The following FGFR3 variants were observed in gnomAD, a reference collection of about 807,000 sequenced individuals.
FGFR3 encodes the protein fibroblast growth factor receptor 3, also known as FGFR-3.
In FGFR3, 25 loss-of-function variants were observed where a neutral mutation model predicts 82.9. The ratio of observed to expected loss-of-function variants is 0.30; its 90% CI spans 0.22 to 0.42. FGFR3 has a LOEUF of 0.42. Ranked by LOEUF, FGFR3 falls within the 10% of genes least tolerant of loss-of-function variation. The pLI is 1.00. For synonymous variants in FGFR3, 620 were observed against 516.0 expected, an observed-to-expected ratio of 1.20 and a Z score of -2.73; for missense variants, 1,026 against 1,161.0, an observed-to-expected ratio of 0.88 and a Z score of 1.69.
intron 8 of FGFR3, 143 bp from the exon 9 acceptor site, chr4:1,804,187 C>A: frequency 1.0e-6 from 1 of 952,682 alleles, no homozygotes; most frequent in Non-Finnish European, 1.6e-6. Context: ...TTACTGACTG[C>A]GAGACCCTCC....
At position 1,799,258 on chromosome 4, in the gene FGFR3, C is replaced by A. The variant is rs2108772295; in HGVS notation, c.114C>A (p.Val38=). 8 of 1,612,462 alleles carry A rather than the reference C, an allele frequency of 5.0e-6. No individual in the cohort carries two copies. The highest frequency in any genetic ancestry group is 5.9e-6 in the Non-Finnish European group (7 of 1,179,960). The change falls in exon 3 of 18, where the codon GTC becomes GTA. Residue 38 remains valine, a synonymous_variant. Transcript: ENST00000440486. ...EQRVVGRAAE[V]PGPEPGQQEQ... is the part of the protein sequence containing the mutation. ...GGTTGCCCATCTTCCCCACAGAAGT[C>A]CCGGGCCCAGAGCCCGGCCAGCAGG...
In FGFR3 at chr4:1,807,736, G is replaced by C. The variant is rs1458443436; in HGVS notation, c.*474G>C. 1.8e-5 allele frequency: 11 copies of C among 596,454 alleles called. No individual in the cohort carries two copies. In the Admixed American group the frequency reaches 2.1e-4, roughly 11 times the overall value. The allele number at this position is 596,454 out of a possible 1,614,324, so 36.9% of individuals were successfully genotyped here. A position where few individuals can be genotyped will look rare whatever the true frequency, so the allele number is the denominator to read the frequency against. On this transcript the variant is annotated 3_prime_UTR_variant, in exon 18 of 18. Coordinates refer to ENST00000440486, the MANE Select transcript of FGFR3 (RefSeq NM_000142.5). ...CCAGCACCTTGTGCCTGGGGTGTTA[G>C]TGGCACCGCCTCCCCACCTCCAGGC...
At chr4:1,797,049 G>A in intron 2 of FGFR3, among the ~76,000 whole-genome samples, 1 of 152,180 alleles carries the variant, frequency 6.6e-6, no homozygotes, top group Non-Finnish European at 1.5e-5. Flanking sequence ...AAGGGTGGGA[G>A]GTGGGACGCG....
At chr4:1,800,874 C>T (rs911361766) in intron 4 of FGFR3, among the ~76,000 whole-genome samples, 6 of 152,188 alleles carry the variant, frequency 3.9e-5, no homozygotes, top group East Asian at 1.9e-4. Context: ...CTCTGGGTGC[C>T]CGCCAGACTT....
rs1299402747 is a variant in FGFR3 at position 1,806,591 on chromosome 4, C to T, written c.2076C>T (p.Gly692=). Residue 692 remains glycine (G), a synonymous_variant, in exon 16 of 18, where the codon GGC becomes GGT. Coordinates refer to ENST00000440486, the MANE Select transcript of FGFR3 (RefSeq NM_000142.5). ...VLLWEIFTLG[G]SPYPGIPVEE... ...TCTGGGAGATCTTCACGCTGGGGGG[C>T]TCCCCGTACCCCGGCATCCCTGTGG... 1.9e-6 allele frequency: 3 copies of T among 1,613,004 alleles called. No homozygotes were observed. The highest frequency in any genetic ancestry group is 1.3e-5 in the African/African-American group (1 of 74,904).
intron 7 of FGFR3, chr4:1,802,902 T>C: frequency 6.3e-7 from 1 of 1,582,468 alleles, no homozygotes; most frequent in African/African-American, 1.4e-5. Context: ...GCCGGGTCTC[T>C]TGTCCCCGCA....
chr4:1,799,324 C>T lies in FGFR3; in HGVS notation c.180C>T (p.Ser60=), dbSNP rs368789915. ...GCAGCGGGGATGCTGTGGAGCTGAGCTGTCCCCCGCCCGGGGGTGGTCCCA... is the reference window on the plus strand; with the variant it reads ...GCAGCGGGGATGCTGTGGAGCTGAGTTGTCCCCCGCCCGGGGGTGGTCCCA... The part of the protein sequence containing the change: ...VFGSGDAVEL[S]CPPPGGGPMG... The change falls in exon 3 of 18, where the codon AGC becomes AGT. Residue 60 remains serine (S), a synonymous_variant. Transcript: ENST00000440486. 14 of 1,612,652 alleles carry T rather than the reference C, an allele frequency of 8.7e-6. No individual in the cohort carries two copies. The highest frequency in any genetic ancestry group is 2.2e-5 in the South Asian group (2 of 91,072).
intron 2 of FGFR3, among the ~76,000 whole-genome samples, chr4:1,798,794 T>C (rs977527913): frequency 2.0e-5 from 3 of 152,138 alleles, no homozygotes; most frequent in Non-Finnish European, 2.9e-5. Flanking sequence ...CTGAGCTCCA[T>C]TTCAGTCAGA....
rs1179740088 is a variant in FGFR3 at position 1,799,249 on chromosome 4, C to T, written c.110-5C>T. The T allele has an allele frequency of 6.2e-7, 1 of 1,612,328 alleles. No homozygotes were observed. The highest frequency in any genetic ancestry group is 2.2e-5 in the East Asian group (1 of 44,884). ...CTGCCTCATGGTTGCCCATCTTCCCCACAGAAGTCCCGGGCCCAGAGCCCG... is the reference window on the plus strand; with the variant it reads ...CTGCCTCATGGTTGCCCATCTTCCCTACAGAAGTCCCGGGCCCAGAGCCCG... On this transcript the variant is annotated splice_polypyrimidine_tract_variant and splice_region_variant and intron_variant, in intron 2 of 17. Coordinates refer to ENST00000440486, the MANE Select transcript of FGFR3 (RefSeq NM_000142.5).
In FGFR3 at chr4:1,803,715, CAAG is replaced by C. The variant is rs755356471; in HGVS notation, c.955_957del (p.Lys319del). Reference sequence around the variant, plus strand: ...AGACGGCGGGCGCTAACACCACCGACAAGGAGCTAGAGGTTCTCTCCTTGCACA... The same window carrying C: ...AGACGGCGGGCGCTAACACCACCGACGAGCTAGAGGTTCTCTCCTTGCACA... On this transcript the variant is annotated inframe_deletion, in exon 8 of 18. Coordinates refer to ENST00000440486, the MANE Select transcript of FGFR3 (RefSeq NM_000142.5). 9.4e-5 allele frequency: 151 copies of C among 1,613,890 alleles called. 1 individual carries two copies. Among genetic ancestry groups the C allele is most frequent in the Non-Finnish European group, 1.2e-4 (137 of 1,180,014 alleles).
rs1722236231 is a variant in FGFR3, at chr4:1,808,412, TCAAAG to T, written c.*1154_*1158del. On this transcript the variant is annotated 3_prime_UTR_variant, in exon 18 of 18. Transcript: ENST00000440486. ...CTTTAGGAGATTTATTTTTTGGACT[TCAAAG>T]CAAGCTGGTATTTTCATACAAATTC... 1.3e-5 allele frequency: 3 copies of T among 232,458 alleles called. No individual in the cohort carries two copies. Among genetic ancestry groups the T allele is most frequent in the East Asian group, 1.2e-4 (2 of 16,502 alleles). The allele number at this position is 232,458 out of a possible 1,614,324, so 14.4% of individuals were successfully genotyped here.
chr4:1,807,402 T>G lies in FGFR3; in HGVS notation c.*140T>G, dbSNP rs777922470. The G allele has an allele frequency of 1.0e-4, 1 of 10,022 alleles. No homozygotes were observed. The highest frequency in any genetic ancestry group is 1.7e-4 in the Non-Finnish European group (1 of 5,736). The allele number at this position is 10,022 out of a possible 1,614,324, so 0.6% of individuals were successfully genotyped here. ...TTTGGTCTGTGTGTGTGTGTGTGCGTGTGTGTGTGTGTGTGTGCACATCCG... is the reference window on the plus strand; with the variant it reads ...TTTGGTCTGTGTGTGTGTGTGTGCGGGTGTGTGTGTGTGTGTGCACATCCG... On this transcript the variant is annotated 3_prime_UTR_variant, in exon 18 of 18. Transcript: ENST00000440486.
In FGFR3 at chr4:1,801,830, C is replaced by T. The variant is rs1560418114; in HGVS notation, c.740-5C>T. 1.9e-6 allele frequency: 3 copies of T among 1,605,032 alleles called. No individual in the cohort carries two copies. The highest frequency in any genetic ancestry group is 2.2e-5 in the East Asian group (1 of 44,650). On this transcript the variant is annotated splice_region_variant and splice_polypyrimidine_tract_variant and intron_variant, in intron 6 of 17. Coordinates refer to ENST00000440486, the MANE Select transcript of FGFR3 (RefSeq NM_000142.5). The stretch of plus-strand genomic sequence containing the variant: ...GTGGCCCCTGAGCGTCATCTGCCCC[C>T]ACAGAGCGCTCCCCGCACCGGCCCA...
chr4:1,801,368 G>T lies in FGFR3; in HGVS notation c.447G>T (p.Gly149=), dbSNP rs757414284. The change falls in exon 5 of 18, where the codon GGG becomes GGT. Residue 149 remains glycine (G), a splice_region_variant and synonymous_variant. Coordinates refer to ENST00000440486, the MANE Select transcript of FGFR3 (RefSeq NM_000142.5). ...DEAEDTGVDT[G]APYWTRPERM... is the part of the protein sequence containing the mutation. ...CTTCACACGCACCTCGGCCCGCAGG[G>T]GCCCCTTACTGGACACGGCCCGAGC... The T allele has an allele frequency of 6.4e-6, 10 of 1,554,364 alleles. No homozygotes were observed. Among genetic ancestry groups the T allele is most frequent in the Middle Eastern group, 3.3e-4 (2 of 6,020 alleles).
At position 1,807,134 on chromosome 4, in the gene FGFR3, G is replaced by A. The variant is rs2108817089; in HGVS notation, c.2293G>A (p.Ala765Thr). ...TSTDEYLDLS[A>T]PFEQYSPGGQ... ...CCAGCAGGAGTACCTGGACCTGTCG[G>A]CGCCTTTCGAGCAGTACTCCCCGGG... Residue 765 changes from alanine to threonine, a missense_variant, in exon 18 of 18, where the codon GCG becomes ACG. Physicochemically the swap from Ala to Thr is moderately conservative, Grantham distance 58 (BLOSUM62 0). Around this residue, in one of 9 missense-constraint regions of FGFR3, gnomAD observed 155 missense variants for 150.2 expected, o/e 1.03. Transcript: ENST00000440486. 6.3e-7 allele frequency: 1 copy of A among 1,590,614 alleles called. No homozygotes were observed. Among genetic ancestry groups the A allele is most frequent in the African/African-American group, 1.3e-5 (1 of 74,526 alleles).
intron 3 of FGFR3, 108 bp from the exon 4 acceptor site, chr4:1,799,639 C>T: frequency 1.9e-6 from 3 of 1,553,188 alleles, no homozygotes; most frequent in Non-Finnish European, 8.7e-7. Context: ...GAGGAGGGCA[C>T]CCCCAGGAAG....
chr4:1,804,625 C>A, intron 9 of FGFR3, 105 bp downstream of exon 9: 2 of 1,512,030 alleles, frequency 1.3e-6, no homozygotes, highest in Non-Finnish European at 9.1e-7. Context: ...CTCTCTGCAG[C>A]CAGGCGGGCT....
At chr4:1,798,231 C>T (rs751611970) in intron 2 of FGFR3, among the ~76,000 whole-genome samples, 9 of 151,974 alleles carry the variant, frequency 5.9e-5, no homozygotes, top group Non-Finnish European at 7.4e-5. Flanking sequence ...CCCACCCCAG[C>T]TTCTCAGCCC....
At position 1,808,501 on chromosome 4, in the gene FGFR3, G is replaced by A; in HGVS notation, c.*1239G>A. 4.3e-6 allele frequency: 1 copy of A among 232,148 alleles called. No homozygotes were observed. The allele number at this position is 232,148 out of a possible 1,614,324, so 14.4% of individuals were successfully genotyped here. Reference sequence around the variant, plus strand: ...GTTTCCAGGGAGGGGCCGGCCCTGTGTGCAGGTTCCGATGTTATTAGATGT... The same window carrying A: ...GTTTCCAGGGAGGGGCCGGCCCTGTATGCAGGTTCCGATGTTATTAGATGT... On this transcript the variant is annotated 3_prime_UTR_variant, in exon 18 of 18. Transcript: ENST00000440486.
Sources: allele counts gnomAD v4.1 joint callset (sites outside exome capture counted in the v4.1 genomes callset), GRCh38; gene constraint gnomAD v4.1.1; regional missense constraint gnomAD v4.1.1; transcripts MANE v1.5; gene names NCBI Gene and HGNC (gene_info 2026-07-23, HGNC 2026-07-21).